The following MYH7 variants were observed in gnomAD, a reference collection of about 807,000 sequenced individuals.
MYH7 encodes myosin heavy chain 7.
MYH7 carries 129 observed loss-of-function variants against 225.4 expected under a neutral mutation model. The observed-to-expected ratio is 0.57, with a 90% CI of 0.50 to 0.66. The LOEUF (loss-of-function observed/expected upper bound fraction) is 0.66, where lower values mean the gene tolerates loss of function less well. Ranked by LOEUF, MYH7 falls within the 30% of genes least tolerant of loss-of-function variation. The pLI, the probability that MYH7 is intolerant of heterozygous loss-of-function variation, is 0.00. For synonymous variants in MYH7, 971 were observed against 1,007.6 expected (o/e 0.96, Z 0.69); for missense variants, 1,649 against 2,517.0 (o/e 0.66, Z 7.38).
chr14:23,417,895 C>T, intron 30 of MYH7: 1 of 891,528 alleles, frequency 1.1e-6, no homozygotes, highest in Non-Finnish European at 1.9e-6. Flanking sequence ...CTGGCCCAGC[C>T]TCTGCGCTAT....
In MYH7 at chr14:23,425,117, T is replaced by C; in HGVS notation, c.2424-93A>G. 2 of 1,607,420 alleles carry C rather than the reference T, an allele frequency of 1.2e-6. No individual in the cohort carries two copies. Among genetic ancestry groups the C allele is most frequent in the Non-Finnish European group, 1.7e-6 (2 of 1,175,624 alleles). ...GGGAATATCCCATTTCCTTCATCCC[T>C]CCCACCCTTCCTGAGGCCTCTGACC... On this transcript the variant is annotated intron_variant, in intron 21 of 39. Coordinates refer to ENST00000355349, the MANE Select transcript of MYH7 (RefSeq NM_000257.4). The surrounding 1 kb of genome is among the most constrained non-coding windows in gnomAD (Gnocchi z 4.6).
chr14:23,422,632 C>CTTTTTT (rs33928947), intron 24 of MYH7, among the ~76,000 whole-genome samples: 1 of 116,108 alleles, frequency 8.6e-6, no homozygotes, highest in African/African-American at 3.3e-5. Flanking sequence ...TTCCTTCCTC[C>CTTTTTT]TTTTTTTTTT....
intron 28 of MYH7, 28 bp from the exon 29 acceptor site, chr14:23,419,323 C>G (rs1036017344): frequency 1.4e-5 from 23 of 1,613,678 alleles, no homozygotes; most frequent in Non-Finnish European, 1.9e-5. Context: ...TAGATCAGCA[C>G]TCCTCTCTAT....
rs3729816 is a variant in MYH7, at chr14:23,427,706, G to A, written c.1767C>T (p.Asn589=). 2.4e-3 allele frequency: 3,916 copies of A among 1,614,206 alleles called. 80 individuals carry two copies. In the African/African-American group the frequency reaches 0.045, roughly 18 times the overall value. ...TGTTCTTCTGCAGCCAGCCAATGAT[G>A]TTGTAGTCCACGATGCCGGCATAGT... is the stretch of plus-strand genomic sequence containing the variant. ...LIHYAGIVDY[N]IIGWLQKNKD... is the part of the protein sequence containing the mutation. Residue 589 remains asparagine (N), a synonymous_variant, in exon 16 of 40, where the codon AAC becomes AAT. Transcript: ENST00000355349.
At position 23,430,622 on chromosome 14, in the gene MYH7, T is replaced by A. The variant is rs1323103660; in HGVS notation, c.937A>T (p.Ile313Phe). Residue 313 changes from isoleucine (I) to phenylalanine (F), a missense_variant, in exon 11 of 40, where the codon ATC becomes TTC. By Grantham distance (21) the Ile-to-Phe change is conservative (BLOSUM62 0). Transcript: ENST00000355349. ...ITNNPYDYAF[I>F]SQGETTVASI... is the part of the protein sequence containing the mutation. Reference sequence around the variant, plus strand: ...GCCACGGTGGTCTCTCCTTGGGAGATGAATGCATAATCGTAGGGGTTGTTG... The same window carrying A: ...GCCACGGTGGTCTCTCCTTGGGAGAAGAATGCATAATCGTAGGGGTTGTTG... 1 of 1,614,032 alleles carries A rather than the reference T, an allele frequency of 6.2e-7. No homozygotes were observed. Among genetic ancestry groups the A allele is most frequent in the Non-Finnish European group, 8.5e-7 (1 of 1,179,988 alleles).
In MYH7 at chr14:23,425,255, G is replaced by C. The variant is rs200342157; in HGVS notation, c.2423+27C>G. ...GAACCAGCCTGGGCCTCAGAGAAGC[G>C]GGAAACCTCCTCTTGAGATCTCTCA... On this transcript the variant is annotated intron_variant, in intron 21 of 39. Transcript: ENST00000355349. The surrounding 1 kb of genome is among the most constrained non-coding windows in gnomAD (Gnocchi z 4.6). The C allele has an allele frequency of 1.2e-6, 2 of 1,614,080 alleles. No individual in the cohort carries two copies. Among genetic ancestry groups the C allele is most frequent in the East Asian group, 4.5e-5 (2 of 44,874 alleles).
rs1481419873 is a variant in MYH7 at position 23,413,987 on chromosome 14, T to G, written c.5655+20A>C. Reference sequence around the variant, plus strand: ...TCTCCTATGCCTCCCCTGGGCCTAGTCCCCAGCAGGGTCACTCACCGCCTC... The same window carrying G: ...TCTCCTATGCCTCCCCTGGGCCTAGGCCCCAGCAGGGTCACTCACCGCCTC... On this transcript the variant is annotated intron_variant, in intron 38 of 39. Coordinates refer to ENST00000355349, the MANE Select transcript of MYH7 (RefSeq NM_000257.4). The G allele has an allele frequency of 1.9e-6, 3 of 1,614,108 alleles. No homozygotes were observed. Among genetic ancestry groups the G allele is most frequent in the Admixed American group, 3.3e-5 (2 of 60,020 alleles).
At position 23,427,613 on chromosome 14, in the gene MYH7, CAG is replaced by C. The variant is rs1566533919; in HGVS notation, c.1858_1859del (p.Leu620ValfsTer8). 1.2e-6 allele frequency: 2 copies of C among 1,614,168 alleles called. No homozygotes were observed. The highest frequency in any genetic ancestry group is 1.7e-6 in the Non-Finnish European group (2 of 1,180,026). On this transcript the variant is annotated frameshift_variant, in exon 16 of 40. Coordinates refer to ENST00000355349, the MANE Select transcript of MYH7 (RefSeq NM_000257.4). LOFTEE classifies it high-confidence loss of function. ...CATCAGCCCCAGCATAGTTGGCAAA[CAG>C]GGTGCTGAGCAGCTTGAGGGAAGAC... is the stretch of plus-strand genomic sequence containing the variant. ...QKSSLKLLST[L>X]FANYAGADAP... is the part of the protein sequence containing the mutation.
rs1211010545 is a variant in MYH7 at position 23,431,648 on chromosome 14, G to T, written c.669C>A (p.Ala223=). The change falls in exon 8 of 40, where the codon GCC becomes GCA. Residue 223 remains alanine, a synonymous_variant. Transcript: ENST00000355349. ...TGCCAAAGGCCTCCAGAGCAGGGTT[G>T]GCCTGGATGATCTGGTCCTCCAGGG... The part of the protein sequence containing the change: ...KGTLEDQIIQ[A]NPALEAFGNA... 1 of 1,614,244 alleles carries T rather than the reference G, an allele frequency of 6.2e-7. No homozygotes were observed. Among genetic ancestry groups the T allele is most frequent in the Non-Finnish European group, 8.5e-7 (1 of 1,180,048 alleles).
Position 23,433,626 on chromosome 14 carries a change from T to G in MYH7, c.107A>C (p.Asp36Ala). 1 of 1,614,238 alleles carries G rather than the reference T, an allele frequency of 6.2e-7. No individual in the cohort carries two copies. Among genetic ancestry groups the G allele is most frequent in the Non-Finnish European group, 8.5e-7 (1 of 1,180,044 alleles). The change falls in exon 3 of 40, where the codon GAT (aspartate) becomes GCT (alanine). Residue 36 changes from aspartate (D) to alanine (A), a missense_variant. Asp to Ala is a moderately radical substitution (Grantham distance 126, BLOSUM62 -2). Around this residue, in one of 12 missense-constraint regions of MYH7, gnomAD observed 91 missense variants for 96.5 expected, o/e 0.94. Transcript: ENST00000355349. This position sits in a 1 kb window ranked among gnomAD's most constrained non-coding sequence, Gnocchi z 4.1. ...CTGTTTGTCATCAGGCACGAAGACATCCTTCTTGAGGTCAAAAGGCCTGGT... is the reference window on the plus strand; with the variant it reads ...CTGTTTGTCATCAGGCACGAAGACAGCCTTCTTGAGGTCAAAAGGCCTGGT... ...AQTRPFDLKK[D>A]VFVPDDKQEF...
In MYH7 at chr14:23,424,750, A is replaced by C; in HGVS notation, c.2679+19T>G. 1 of 1,613,778 alleles carries C rather than the reference A, an allele frequency of 6.2e-7. No homozygotes were observed. Among genetic ancestry groups the C allele is most frequent in the Non-Finnish European group, 8.5e-7 (1 of 1,180,036 alleles). On this transcript the variant is annotated intron_variant, in intron 22 of 39. Coordinates refer to ENST00000355349, the MANE Select transcript of MYH7 (RefSeq NM_000257.4). ...GGCAGAGCAGGGTGGAAGAGCCAACAGTAGCCCAGGAGCCTCACCGCCTGC... is the reference window on the plus strand; with the variant it reads ...GGCAGAGCAGGGTGGAAGAGCCAACCGTAGCCCAGGAGCCTCACCGCCTGC...
At chr14:23,427,447 A>G (rs1249588698) in intron 16 of MYH7, 138 bp downstream of exon 16, 1 of 1,463,016 alleles carries the variant, frequency 6.8e-7, no homozygotes. Context: ...CAGTTTCTTC[A>G]CCCAGTTCCA....
In MYH7 at chr14:23,433,761, C is replaced by T; in HGVS notation, c.-8-21G>A. ...TGTGCCTGGAGTGAGCAGAAGCTGGCTGCCCTCCCATCTGCCCATTCTTCC... is the reference window on the plus strand; with the variant it reads ...TGTGCCTGGAGTGAGCAGAAGCTGGTTGCCCTCCCATCTGCCCATTCTTCC... On this transcript the variant is annotated intron_variant, in intron 2 of 39. Transcript: ENST00000355349. This position sits in a 1 kb window ranked among gnomAD's most constrained non-coding sequence, Gnocchi z 4.1. 1 of 1,611,824 alleles carries T rather than the reference C, an allele frequency of 6.2e-7. No individual in the cohort carries two copies. The highest frequency in any genetic ancestry group is 1.7e-5 in the Admixed American group (1 of 60,012).
Position 23,428,560 on chromosome 14 carries a change from G to A in MYH7, c.1518C>T (p.Ile506=), listed in dbSNP as rs397516108. 49 of 1,614,052 alleles carry A rather than the reference G, an allele frequency of 3.0e-5. No individual in the cohort carries two copies. The highest frequency in any genetic ancestry group is 1.6e-4 in the Middle Eastern group (1 of 6,084). Residue 506 remains isoleucine, a synonymous_variant, in exon 15 of 40, where the codon ATC becomes ATT. Transcript: ENST00000355349. The part of the protein sequence containing the change: ...LEQEEYKKEG[I]EWTFIDFGMD... ...TGCCAAAGTCAATGAATGTCCACTC[G>A]ATGCCCTCCTTCTTGTACTCCTCCT... is the stretch of plus-strand genomic sequence containing the variant.
Position 23,422,286 on chromosome 14 carries a change from C to G in MYH7, c.3139G>C (p.Asp1047His). ...AGCTTCCGCTTCGCTCGCTCCAGGT[C>G]CATGCGCACCTTCTTCTCTTGCTCC... ...SLEQEKKVRM[D>H]LERAKRKLEG... is the part of the protein sequence containing the mutation. The change falls in exon 25 of 40, where the codon GAC (aspartate) becomes CAC (histidine). Residue 1047 changes from aspartate to histidine, a missense_variant. Physicochemically the swap from Asp to His is moderately conservative, Grantham distance 81. Transcript: ENST00000355349. The G allele has an allele frequency of 1.2e-6, 2 of 1,614,194 alleles. No individual in the cohort carries two copies. Among genetic ancestry groups the G allele is most frequent in the Non-Finnish European group, 1.7e-6 (2 of 1,180,048 alleles).
At chr14:23,419,125 G>T in intron 29 of MYH7, 52 bp downstream of exon 29, 2 of 1,473,138 alleles carry the variant, frequency 1.4e-6, no homozygotes, top group South Asian at 1.1e-5. Context: ...TTGATGCAAG[G>T]CTAGTCAGTG....
chr14:23,415,387 G>A lies in MYH7; in HGVS notation c.5277C>T (p.Ile1759=), dbSNP rs1211676469. 6.2e-7 allele frequency: 1 copy of A among 1,614,096 alleles called. No individual in the cohort carries two copies. Among genetic ancestry groups the A allele is most frequent in the African/African-American group, 1.3e-5 (1 of 74,918 alleles). ...GGTGGAGTGGGGGACTTACATCCGT[G>A]ATGGCCTTCTTGGCCTTCTCCTCAG... is the stretch of plus-strand genomic sequence containing the variant. ...RNAEEKAKKA[I]TDAAMMAEEL... Residue 1759 remains isoleucine, a synonymous_variant, in exon 36 of 40, where the codon ATC becomes ATT. Transcript: ENST00000355349. This position sits in a 1 kb window ranked among gnomAD's most constrained non-coding sequence, Gnocchi z 6.3.
chr14:23,432,425 G>A (rs1892986063), intron 6 of MYH7, 54 bp downstream of exon 6: 1 of 1,608,518 alleles, frequency 6.2e-7, no homozygotes, highest in Non-Finnish European at 8.5e-7. Context: ...TGATGGGGCT[G>A]GAGGCTGGGA....
rs768504670 is a variant in MYH7 at position 23,423,541 on chromosome 14, A to C, written c.3099+6T>G. 6.2e-7 allele frequency: 1 copy of C among 1,612,650 alleles called. No homozygotes were observed. The highest frequency in any genetic ancestry group is 1.1e-5 in the South Asian group (1 of 91,014). ...ATCTAGGCCCCACAACTCTCAATCT[A>C]CTCACATCATCCACTTGCTGCTCCA... is the stretch of plus-strand genomic sequence containing the variant. On this transcript the variant is annotated splice_donor_region_variant and intron_variant, in intron 24 of 39. Transcript: ENST00000355349.
Sources: allele counts gnomAD v4.1 joint callset (sites outside exome capture counted in the v4.1 genomes callset), GRCh38; gene constraint gnomAD v4.1.1; regional missense constraint gnomAD v4.1.1; non-coding constraint Gnocchi (gnomAD v3.1); transcripts MANE v1.5; gene names NCBI Gene and HGNC (gene_info 2026-07-23, HGNC 2026-07-21).